RTL4: variants seen among roughly 807,000 people sequenced by gnomAD.
RTL4 encodes retrotransposon Gag-like protein 4.
A neutral mutation model predicts 5.3 loss-of-function variants in RTL4; 4 were observed. The ratio of observed to expected loss-of-function variants is 0.75; its 90% CI spans 0.37 to 1.72. The LOEUF (loss-of-function observed/expected upper bound fraction) is 1.72. RTL4 is among the 40% of genes most tolerant of loss of function. The pLI, the probability that RTL4 is intolerant of heterozygous loss-of-function variation, is 0.04. For missense variants in RTL4, 260 were observed against 227.1 expected (o/e 1.14, Z -0.93); for synonymous variants, 98 against 87.3 (o/e 1.12, Z -0.68).
At chrX:112,246,389 C>T in the RTL4 span, among the ~76,000 whole-genome samples, 29 of 111,824 alleles carry the variant, frequency 2.6e-4, no homozygotes, top group African/African-American at 9.1e-4. Flanking sequence ...TTGAGCTTCC[C>T]CGCCACTTTG....
chrX:112,261,660 A>G, the RTL4 span, among the ~76,000 whole-genome samples: 2 of 111,922 alleles, frequency 1.8e-5, no homozygotes, highest in South Asian at 3.8e-4. Flanking sequence ...TCAAGCTACC[A>G]ATGACTTTCT....
the RTL4 span, among the ~76,000 whole-genome samples, chrX:112,258,803 TTC>T: frequency 8.9e-6 from 1 of 111,798 alleles, no homozygotes; most frequent in African/African-American, 3.2e-5. Flanking sequence ...TTTATAAACA[TTC>T]TGTCATATTT....
chrX:112,111,490 T>C, the RTL4 span, among the ~76,000 whole-genome samples: 1 of 113,143 alleles, frequency 8.8e-6, no homozygotes, highest in African/African-American at 3.2e-5. Context: ...GTGCAATAAC[T>C]CCATGATTTC....
At chrX:112,215,907 T>C in the RTL4 span, among the ~76,000 whole-genome samples, 1 of 111,656 alleles carries the variant, frequency 9.0e-6, no homozygotes, top group African/African-American at 3.3e-5. Context: ...CCATTTTACA[T>C]TCCTATCAGC....
At chrX:112,174,515 T>C in the RTL4 span, among the ~76,000 whole-genome samples, 34 of 107,015 alleles carry the variant, frequency 3.2e-4, no homozygotes, top group African/African-American at 1.2e-3. Context: ...AAGTCTTTGC[T>C]ATTGTGAATA....
chrX:112,139,013 C>T, the RTL4 span, among the ~76,000 whole-genome samples: 64 of 111,665 alleles, frequency 5.7e-4, no homozygotes, highest in Admixed American at 3.8e-3. Flanking sequence ...CAATCTGTGA[C>T]GGCTCCTCAA....
the RTL4 span, among the ~76,000 whole-genome samples, chrX:112,259,863 C>T: frequency 8.9e-6 from 1 of 111,898 alleles, no homozygotes; most frequent in African/African-American, 3.2e-5. Context: ...CCACTCAACA[C>T]TTTCCTAATT....
chrX:112,249,005 T>C, the RTL4 span, among the ~76,000 whole-genome samples: 8 of 112,356 alleles, frequency 7.1e-5, no homozygotes, highest in Non-Finnish European at 1.5e-4. Flanking sequence ...CCTGGGAGCA[T>C]CCCTTGTAGG....
chrX:112,141,213 A>G, the RTL4 span, among the ~76,000 whole-genome samples: 1 of 111,622 alleles, frequency 9.0e-6, no homozygotes, highest in Non-Finnish European at 1.9e-5. Flanking sequence ...GTTTCAGTTT[A>G]TGATTGTTCA....
chrX:112,202,354 G>A, the RTL4 span, among the ~76,000 whole-genome samples: 1 of 109,692 alleles, frequency 9.1e-6, no homozygotes, highest in African/African-American at 3.3e-5. Flanking sequence ...ACATAACATG[G>A]TTTGTATAAC....
At chrX:112,350,075 A>G in the RTL4 span, among the ~76,000 whole-genome samples, 22 of 109,579 alleles carry the variant, frequency 2.0e-4, no homozygotes, top group African/African-American at 5.6e-4. Flanking sequence ...TAGCATGAAG[A>G]GTTGTTGAAT....
the RTL4 span, among the ~76,000 whole-genome samples, chrX:112,279,310 G>A: frequency 4.5e-5 from 5 of 111,603 alleles, no homozygotes; most frequent in African/African-American, 1.3e-4. Context: ...ACAAATAGAA[G>A]ATCTTACAAG....
At chrX:112,134,414 T>C in the RTL4 span, among the ~76,000 whole-genome samples, 86 of 112,299 alleles carry the variant, frequency 7.7e-4, no homozygotes, top group African/African-American at 2.4e-3. Flanking sequence ...TTAAGAAAAA[T>C]GCAAATTGCA....
chrX:112,172,213 TAC>T, the RTL4 span, among the ~76,000 whole-genome samples: 1 of 110,652 alleles, frequency 9.0e-6, no homozygotes, highest in South Asian at 3.9e-4. Flanking sequence ...TAATCCCAGC[TAC>T]TAGGGAGGCT....
At chrX:112,415,324 TG>T in the RTL4 span, among the ~76,000 whole-genome samples, 1 of 107,742 alleles carries the variant, frequency 9.3e-6, no homozygotes, top group Non-Finnish European at 1.9e-5. Flanking sequence ...GTTTTATTTC[TG>T]GCTTCTTTCA....
the RTL4 span, among the ~76,000 whole-genome samples, chrX:112,101,297 A>G: frequency 8.9e-6 from 1 of 112,054 alleles, no homozygotes; most frequent in Non-Finnish European, 1.9e-5. Context: ...TTTGAGTCAA[A>G]GATAGAAATA....
At chrX:112,136,837 G>A in the RTL4 span, among the ~76,000 whole-genome samples, 1 of 111,667 alleles carries the variant, frequency 9.0e-6, no homozygotes, top group East Asian at 2.8e-4. Context: ...TTTTATACCA[G>A]TATGGCATTG....
chrX:112,320,101 A>G, the RTL4 span: 1 of 112,042 alleles, frequency 8.9e-6, no homozygotes, highest in African/African-American at 3.3e-5. Flanking sequence ...TTGCAGTGAC[A>G]GTATCAAAAG....
At chrX:112,176,700 C>T in the RTL4 span, among the ~76,000 whole-genome samples, 13 of 111,952 alleles carry the variant, frequency 1.2e-4, no homozygotes, top group African/African-American at 3.6e-4. Flanking sequence ...GTTCTTCAAG[C>T]TATTTTGAAA....
Sources: allele counts gnomAD v4.1 joint callset (sites outside exome capture counted in the v4.1 genomes callset), GRCh38; gene constraint gnomAD v4.1.1; transcripts MANE v1.5; gene names NCBI Gene and HGNC (gene_info 2026-07-23, HGNC 2026-07-21).